The following GAPDH variants were observed in gnomAD, a reference collection of about 807,000 sequenced individuals.
GAPDH encodes OCAS, p38 component.
GAPDH carries 13 observed loss-of-function variants against 31.2 expected under a neutral mutation model. That is an observed-to-expected ratio of 0.42 (90% confidence interval 0.27 to 0.66). The LOEUF (loss-of-function observed/expected upper bound fraction) is 0.66. Ranked by LOEUF, GAPDH falls within the 30% of genes least tolerant of loss-of-function variation. GAPDH has a pLI of 0.26. For missense variants in GAPDH, 300 were observed against 443.7 expected, an observed-to-expected ratio of 0.68 and a Z score of 2.91; for synonymous variants, 211 against 166.9, an observed-to-expected ratio of 1.26 and a Z score of -2.04.
In GAPDH at chr12:6,537,285, G is replaced by T. The variant is rs543388326; in HGVS notation, c.444-24G>T. 1.9e-6 allele frequency: 3 copies of T among 1,600,352 alleles called. No individual in the cohort carries two copies. The African/African-American group carries it at 4.0e-5, about 21-fold the overall frequency. Reference sequence around the variant, plus strand: ...CTATGGACACGCTCCCCTGACTTGCGCCCCGCTCCCTCTTTCTTTGCAGCA... The same window carrying T: ...CTATGGACACGCTCCCCTGACTTGCTCCCCGCTCCCTCTTTCTTTGCAGCA... On this transcript the variant is annotated intron_variant, in intron 6 of 8. Coordinates refer to ENST00000229239, the MANE Select transcript of GAPDH (RefSeq NM_002046.7). This position sits in a 1 kb window ranked among gnomAD's most constrained non-coding sequence, Gnocchi z 4.9.
At chr12:6,534,914 G>T (rs571047589) in intron 2 of GAPDH, 53 bp downstream of exon 2, 3 of 1,593,842 alleles carry the variant, frequency 1.9e-6, no homozygotes, top group African/African-American at 2.7e-5. Flanking sequence ...CCCGAACCGC[G>T]TCTACGAGCC....
At chr12:6,535,420 A>G in intron 2 of GAPDH, 1 of 988,234 alleles carries the variant, frequency 1.0e-6, no homozygotes, top group South Asian at 4.6e-5. Flanking sequence ...GAGCGAGGCT[A>G]GCTGGCCCGA....
rs371787931 is a variant in GAPDH, at chr12:6,537,875, A to G, written c.817A>G (p.Ile273Val). The G allele has an allele frequency of 3.7e-6, 6 of 1,613,502 alleles. No homozygotes were observed. In the African/African-American group the frequency reaches 8.0e-5, roughly 22 times the overall value. Residue 273 changes from isoleucine (I) to valine (V), a missense_variant, in exon 8 of 9, where the codon ATC (isoleucine) becomes GTC (valine). Transcript: ENST00000229239. This position sits in a 1 kb window ranked among gnomAD's most constrained non-coding sequence, Gnocchi z 4.9. ...GGCGTCGGAGGGCCCCCTCAAGGGC[A>G]TCCTGGGCTACACTGAGCACCAGGT... ...KQASEGPLKG[I>V]LGYTEHQVVS...
At chr12:6,535,831 T>G (rs1946451002) in intron 2 of GAPDH, among the ~76,000 whole-genome samples, 1 of 152,198 alleles carries the variant, frequency 6.6e-6, no homozygotes, top group African/African-American at 2.4e-5. Context: ...TGCTGACCTT[T>G]CTGTAGCTGG....
chr12:6,536,482 C>T lies in GAPDH; in HGVS notation c.30-12C>T. ...CTCCCCTCCTCATGCCTTCTTGCCT[C>T]TTGTCTCTTAGATTTGGTCGTATTG... On this transcript the variant is annotated splice_polypyrimidine_tract_variant and intron_variant, in intron 2 of 8. Transcript: ENST00000229239. 1.2e-6 allele frequency: 2 copies of T among 1,606,556 alleles called. No homozygotes were observed. Among genetic ancestry groups the T allele is most frequent in the Non-Finnish European group, 1.7e-6 (2 of 1,173,408 alleles).
chr12:6,534,999 C>A, intron 2 of GAPDH, 138 bp downstream of exon 2: 1 of 1,049,400 alleles, frequency 9.5e-7, no homozygotes, highest in South Asian at 1.5e-5. Flanking sequence ...AAGGTCAGCG[C>A]TCGGACCTGG....
At position 6,538,210 on chromosome 12, in the gene GAPDH, A is replaced by G; in HGVS notation, c.*40A>G. On this transcript the variant is annotated 3_prime_UTR_variant, in exon 9 of 9. Coordinates refer to ENST00000229239, the MANE Select transcript of GAPDH (RefSeq NM_002046.7). The stretch of plus-strand genomic sequence containing the variant: ...CAGCCCCAGCAAGAGCACAAGAGGA[A>G]GAGAGAGACCCTCACTGCTGGGGAG... The G allele has an allele frequency of 6.5e-7, 1 of 1,529,582 alleles. No individual in the cohort carries two copies. Among genetic ancestry groups the G allele is most frequent in the South Asian group, 1.1e-5 (1 of 89,742 alleles). 94.8% of individuals were successfully genotyped at this position (1,529,582 alleles called of 1,614,324 possible). A position where few individuals can be genotyped will look rare whatever the true frequency, so the allele number is the denominator to read the frequency against.
Position 6,536,807 on chromosome 12 carries a change from A to G in GAPDH, c.236+17A>G. 1 of 1,606,476 alleles carries G rather than the reference A, an allele frequency of 6.2e-7. No homozygotes were observed. Among genetic ancestry groups the G allele is most frequent in the Non-Finnish European group, 8.5e-7 (1 of 1,173,010 alleles). On this transcript the variant is annotated intron_variant, in intron 4 of 8. Coordinates refer to ENST00000229239, the MANE Select transcript of GAPDH (RefSeq NM_002046.7). ...CTTCCAGGAGTGAGTGGAAGACAGA[A>G]TGGAAGAAATGTGCTTTGGGGAGGC... is the stretch of plus-strand genomic sequence containing the variant.
At chr12:6,534,701 G>A in intron 1 of GAPDH, 109 bp from the exon 2 acceptor site, 1 of 967,196 alleles carries the variant, frequency 1.0e-6, no homozygotes, top group Non-Finnish European at 1.6e-6. Flanking sequence ...GGCGGGCGGA[G>A]GACGTGATGC....
At chr12:6,534,771 G>C in intron 1 of GAPDH, 39 bp from the exon 2 acceptor site, 7 of 1,574,260 alleles carry the variant, frequency 4.4e-6, no homozygotes, top group Non-Finnish European at 6.1e-6. Context: ...TGTGTCGGCC[G>C]GGGCCACTAG....
intron 1 of GAPDH, 74 bp from the exon 2 acceptor site, chr12:6,534,736 G>C: frequency 7.5e-7 from 1 of 1,328,640 alleles, no homozygotes; most frequent in South Asian, 1.2e-5. Flanking sequence ...ATGGAGGCCT[G>C]GTGGGGGAGG....
In GAPDH at chr12:6,537,289, C is replaced by A; in HGVS notation, c.444-20C>A. 6.2e-7 allele frequency: 1 copy of A among 1,600,654 alleles called. No individual in the cohort carries two copies. On this transcript the variant is annotated intron_variant, in intron 6 of 8. Coordinates refer to ENST00000229239, the MANE Select transcript of GAPDH (RefSeq NM_002046.7). The surrounding 1 kb of genome is among the most constrained non-coding windows in gnomAD (Gnocchi z 4.9). The stretch of plus-strand genomic sequence containing the variant: ...GGACACGCTCCCCTGACTTGCGCCC[C>A]GCTCCCTCTTTCTTTGCAGCAATGC...
rs1946502172 is a variant in GAPDH, at chr12:6,537,451, C to T, written c.525+61C>T. 1 of 1,584,458 alleles carries T rather than the reference C, an allele frequency of 6.3e-7. No individual in the cohort carries two copies. Among genetic ancestry groups the T allele is most frequent in the African/African-American group, 1.3e-5 (1 of 74,436 alleles). On this transcript the variant is annotated intron_variant, in intron 7 of 8. Coordinates refer to ENST00000229239, the MANE Select transcript of GAPDH (RefSeq NM_002046.7). The surrounding 1 kb of genome is among the most constrained non-coding windows in gnomAD (Gnocchi z 4.9). ...CTTTCTCATCCAAGACTGGCTCCTC[C>T]CTGCCGGGGCTGCGTGCAACCCTGG...
Position 6,537,584 on chromosome 12 carries a change from A to T in GAPDH, c.526A>T (p.Thr176Ser). Residue 176 changes from threonine to serine, a missense_variant and splice_region_variant, in exon 8 of 9, where the codon ACC becomes TCC. Transcript: ENST00000229239. This position sits in a 1 kb window ranked among gnomAD's most constrained non-coding sequence, Gnocchi z 4.9. The stretch of plus-strand genomic sequence containing the variant: ...CTGCAGGGCCTCACTCCTTTTGCAG[A>T]CCACAGTCCATGCCATCACTGCCAC... ...DNFGIVEGLMTTVHAITATQK... is the reference protein window; with the variant it reads ...DNFGIVEGLMSTVHAITATQK... The T allele has an allele frequency of 6.2e-7, 1 of 1,610,382 alleles. No homozygotes were observed. Among genetic ancestry groups the T allele is most frequent in the Non-Finnish European group, 8.5e-7 (1 of 1,178,600 alleles).
chr12:6,535,991 C>T (rs1946455411), intron 2 of GAPDH, among the ~76,000 whole-genome samples: 2 of 152,188 alleles, frequency 1.3e-5, no homozygotes, highest in African/African-American at 2.4e-5. Context: ...TACAGCTTCC[C>T]CTCTTCCCAC....
rs199746238 is a variant in GAPDH, at chr12:6,537,964, C to T, written c.906C>T (p.Ala302=). 2.5e-6 allele frequency: 4 copies of T among 1,613,710 alleles called. No homozygotes were observed. The South Asian group carries it at 3.3e-5, about 13-fold the overall frequency. ...CCTTTGACGCTGGGGCTGGCATTGC[C>T]CTCAACGACCACTTTGTCAAGCTCA... ...SSTFDAGAGI[A]LNDHFVKLIS... Residue 302 remains alanine, a synonymous_variant, in exon 8 of 9, where the codon GCC becomes GCT. Transcript: ENST00000229239. The surrounding 1 kb of genome is among the most constrained non-coding windows in gnomAD (Gnocchi z 4.9).
At chr12:6,534,784 G>A (rs577459586) in intron 1 of GAPDH, 26 bp from the exon 2 acceptor site, 5 of 1,604,812 alleles carry the variant, frequency 3.1e-6, no homozygotes, top group African/African-American at 1.3e-5. Context: ...GCCACTAGGC[G>A]CTCACTGTTC....
In GAPDH at chr12:6,534,847, G is replaced by C. The variant is rs371408635; in HGVS notation, c.15G>C (p.Lys5Asn). Reference protein sequence around the residue: MGKVKVGVNGFGRIG... With the variant: MGKVNVGVNGFGRIG... ...GCTCAGACACCATGGGGAAGGTGAA[G>C]GTCGGAGTCAACGGGTGAGTTCGCG... The change falls in exon 2 of 9, where the codon AAG (lysine) becomes AAC (asparagine). Residue 5 changes from lysine to asparagine, a missense_variant. Coordinates refer to ENST00000229239, the MANE Select transcript of GAPDH (RefSeq NM_002046.7). The C allele has an allele frequency of 8.7e-6, 14 of 1,613,486 alleles. No homozygotes were observed. Among genetic ancestry groups the C allele is most frequent in the Non-Finnish European group, 1.2e-5 (14 of 1,179,778 alleles).
Position 6,537,190 on chromosome 12 carries a change from G to T in GAPDH, c.417G>T (p.Lys139Asn). 6.2e-7 allele frequency: 1 copy of T among 1,613,048 alleles called. No individual in the cohort carries two copies. The part of the protein sequence containing the change: ...PMFVMGVNHE[K>N]YDNSLKIISN... Reference sequence around the variant, plus strand: ...TCGTCATGGGTGTGAACCATGAGAAGTATGACAACAGCCTCAAGATCATCA... The same window carrying T: ...TCGTCATGGGTGTGAACCATGAGAATTATGACAACAGCCTCAAGATCATCA... The change falls in exon 6 of 9, where the codon AAG (lysine) becomes AAT (asparagine). Residue 139 changes from lysine to asparagine, a missense_variant. By Grantham distance (94) the Lys-to-Asn change is moderately conservative. Coordinates refer to ENST00000229239, the MANE Select transcript of GAPDH (RefSeq NM_002046.7). This position sits in a 1 kb window ranked among gnomAD's most constrained non-coding sequence, Gnocchi z 4.9.
Sources: allele counts gnomAD v4.1 joint callset (sites outside exome capture counted in the v4.1 genomes callset), GRCh38; gene constraint gnomAD v4.1.1; non-coding constraint Gnocchi (gnomAD v3.1); transcripts MANE v1.5; gene names NCBI Gene and HGNC (gene_info 2026-07-23, HGNC 2026-07-21).